Variants in KIAA1328 observed in about 807,000 individuals in gnomAD.
The protein encoded by KIAA1328 is protein hinderin.
In KIAA1328, 52 loss-of-function variants were observed where a neutral mutation model predicts 68.1. That is an observed-to-expected ratio of 0.76 (90% CI 0.61 to 0.96). The LOEUF (loss-of-function observed/expected upper bound fraction) is 0.96, where lower values mean the gene tolerates loss of function less well. Ranked by LOEUF, KIAA1328 falls within the 40% of genes least tolerant of loss-of-function variation. The probability of loss-of-function intolerance (pLI) is 0.00; values close to 1 mark genes in which losing one functional copy is unlikely to be tolerated. For synonymous variants in KIAA1328, 232 were observed against 239.4 expected, an observed-to-expected ratio of 0.97 and a Z score of 0.28; for missense variants, 641 against 677.6, an observed-to-expected ratio of 0.95 and a Z score of 0.60.
At chr18:37,071,498 T>C (rs1160147688) in intron 7 of KIAA1328, among the ~76,000 whole-genome samples, 1 of 152,158 alleles carries the variant, frequency 6.6e-6, no homozygotes, top group East Asian at 1.9e-4. Context: ...AATAAAACTA[T>C]TACAAATAAA....
intron 5 of KIAA1328, among the ~76,000 whole-genome samples, chr18:36,936,871 G>A (rs956514032): frequency 6.6e-6 from 1 of 152,038 alleles, no homozygotes; most frequent in African/African-American, 2.4e-5. Flanking sequence ...AATTTCATAT[G>A]GAATCAAAGA....
At chr18:37,226,440 A>G (rs968292515), downstream of KIAA1328, among the ~76,000 whole-genome samples, 1 of 152,126 alleles carries the variant, frequency 6.6e-6, no homozygotes, top group Non-Finnish European at 1.5e-5. Context: ...AGAGAAACCC[A>G]TACCCTTTAG....
intron 7 of KIAA1328, among the ~76,000 whole-genome samples, chr18:37,117,275 A>G (rs1300184550): frequency 6.6e-6 from 1 of 152,218 alleles, no homozygotes; most frequent in Non-Finnish European, 1.5e-5. Context: ...TGGATTAAGA[A>G]AATGTGGCAC....
intron 5 of KIAA1328, among the ~76,000 whole-genome samples, chr18:36,908,520 G>A (rs962302447): frequency 6.6e-6 from 1 of 152,000 alleles, no homozygotes; most frequent in African/African-American, 2.4e-5. Flanking sequence ...AAATTTTTGT[G>A]TGTGTGGAAA....
intron 6 of KIAA1328, among the ~76,000 whole-genome samples, chr18:37,063,836 G>A (rs2056244555): frequency 6.6e-6 from 1 of 151,978 alleles, no homozygotes; most frequent in Non-Finnish European, 1.5e-5. Flanking sequence ...TGTAAATAAT[G>A]TTATGAAACA....
chr18:36,901,957 G>A (rs1323942820), intron 5 of KIAA1328: 2 of 151,972 alleles, frequency 1.3e-5, no homozygotes, highest in Admixed American at 6.6e-5. Flanking sequence ...GAGTTTCATA[G>A]CTGTTTATTT....
At chr18:36,994,994 A>C (rs2053333826) in intron 6 of KIAA1328, among the ~76,000 whole-genome samples, 1 of 151,974 alleles carries the variant, frequency 6.6e-6, no homozygotes, top group Admixed American at 6.5e-5. Flanking sequence ...TCTGGGGTAC[A>C]TGTGCAGAAT....
At chr18:37,082,925 C>T in intron 7 of KIAA1328, among the ~76,000 whole-genome samples, 1 of 152,218 alleles carries the variant, frequency 6.6e-6, no homozygotes, top group East Asian at 1.9e-4. Context: ...TAACAATATG[C>T]CTTAATACAT....
chr18:37,191,272 CA>C (rs2059900264), intron 9 of KIAA1328, among the ~76,000 whole-genome samples: 1 of 152,152 alleles, frequency 6.6e-6, no homozygotes, highest in Admixed American at 6.5e-5. Context: ...TATACATGTG[CA>C]TTTAAAGACT....
chr18:36,837,162 C>A (rs911973761), intron 3 of KIAA1328, among the ~76,000 whole-genome samples: 1 of 152,042 alleles, frequency 6.6e-6, no homozygotes. Flanking sequence ...AACCTTTTGA[C>A]AAAATTCCAA....
In KIAA1328 at chr18:37,108,027, A is replaced by G. The variant is rs1354534200; in HGVS notation, c.1232+40482A>G. On this transcript the variant is annotated intron_variant, in intron 7 of 9. Coordinates refer to ENST00000280020, the MANE Select transcript of KIAA1328 (RefSeq NM_020776.3). ...ACCCAGCACTCCTGTTACTGGGTATATACCTAAAAGAAATAAATCATCCTG... is the reference window on the plus strand; with the variant it reads ...ACCCAGCACTCCTGTTACTGGGTATGTACCTAAAAGAAATAAATCATCCTG... Among the ~76,000 whole-genome samples the G allele has an allele frequency of 2.0e-5, 3 of 152,184 alleles. No homozygotes were observed. In the East Asian group the frequency reaches 5.8e-4, roughly 29 times the overall value.
intron 9 of KIAA1328, among the ~76,000 whole-genome samples, chr18:37,174,476 G>A (rs558700237): frequency 4.1e-5 from 6 of 146,846 alleles, no homozygotes; most frequent in East Asian, 2.1e-4. Flanking sequence ...TCCACCTCCC[G>A]GGTTCAAGCA....
At chr18:37,153,224 G>C (rs920775247) in intron 7 of KIAA1328, among the ~76,000 whole-genome samples, 3 of 152,110 alleles carry the variant, frequency 2.0e-5, no homozygotes, top group Admixed American at 6.6e-5. Flanking sequence ...CCACTCAGGA[G>C]CCCCTCTCTG....
At chr18:37,007,537 A>G (rs1365072035) in intron 6 of KIAA1328, among the ~76,000 whole-genome samples, 5 of 152,134 alleles carry the variant, frequency 3.3e-5, no homozygotes, top group Admixed American at 3.3e-4. Context: ...GGTAATATAT[A>G]CTCTAAAATT....
chr18:37,063,610 T>C, intron 6 of KIAA1328: 1 of 984,730 alleles, frequency 1.0e-6, no homozygotes, highest in Non-Finnish European at 1.2e-6. Flanking sequence ...TTCTGCCTAT[T>C]ACACATGCAC....
chr18:36,876,691 T>A (rs1052844359), intron 4 of KIAA1328, among the ~76,000 whole-genome samples: 4 of 152,224 alleles, frequency 2.6e-5, no homozygotes, highest in African/African-American at 9.6e-5. Flanking sequence ...TCTGCTCTGA[T>A]CTTAGTTATT....
chr18:36,917,132 C>G (rs556419111), intron 5 of KIAA1328, among the ~76,000 whole-genome samples: 1 of 152,116 alleles, frequency 6.6e-6, no homozygotes, highest in South Asian at 2.1e-4. Flanking sequence ...ATAACAAAGT[C>G]TTTCATTTCC....
intron 7 of KIAA1328, among the ~76,000 whole-genome samples, chr18:37,094,675 A>G (rs1231416057): frequency 6.6e-6 from 1 of 152,252 alleles, no homozygotes; most frequent in Non-Finnish European, 1.5e-5. Context: ...AACAAATGAT[A>G]TACAAAACAA....
intron 7 of KIAA1328, among the ~76,000 whole-genome samples, chr18:37,077,653 T>C (rs1220613329): frequency 6.7e-6 from 1 of 149,928 alleles, no homozygotes; most frequent in Non-Finnish European, 1.5e-5. Flanking sequence ...ACAAAATCAA[T>C]GTGCAAAAAT....
Sources: gnomAD v4.1 joint callset for allele counts (sites outside exome capture counted in the v4.1 genomes callset) on GRCh38, gnomAD v4.1.1 for gene constraint, MANE v1.5 for transcripts, NCBI Gene and HGNC (gene_info 2026-07-23, HGNC 2026-07-21) for gene names.